PHYHD1: variants seen among roughly 807,000 people sequenced by gnomAD.
The protein encoded by PHYHD1 is phytanoyl-CoA dioxygenase domain containing 1, also known as phytanoyl-CoA dioxygenase domain-containing protein 1.
A neutral mutation model predicts 43.6 loss-of-function variants in PHYHD1; 42 were observed. That is an observed-to-expected ratio of 0.96 (90% CI 0.75 to 1.25). The LOEUF (loss-of-function observed/expected upper bound fraction) is 1.25, where lower values mean the gene tolerates loss of function less well. Ranked by LOEUF, PHYHD1 falls within the 50% of genes most tolerant of loss-of-function variation. PHYHD1 has a pLI of 0.00. For synonymous variants in PHYHD1, 139 were observed against 143.6 expected, an observed-to-expected ratio of 0.97 and a Z score of 0.23; for missense variants, 342 against 370.8, an observed-to-expected ratio of 0.92 and a Z score of 0.64.
intron 4 of PHYHD1, among the ~76,000 whole-genome samples, chr9:128,928,440 C>T (rs1354014479): frequency 2.0e-5 from 3 of 151,946 alleles, no homozygotes; most frequent in Admixed American, 1.3e-4. Flanking sequence ...CAGTGACTCA[C>T]GCCTGTAATC....
chr9:128,932,051 T>A (rs1841293860), intron 4 of PHYHD1, among the ~76,000 whole-genome samples: 2 of 150,418 alleles, frequency 1.3e-5, no homozygotes, highest in Non-Finnish European at 2.9e-5. Flanking sequence ...GTCAGGCTGG[T>A]CTCAAACTCC....
At position 128,940,722 on chromosome 9, in the gene PHYHD1, A is replaced by G. The variant is rs2045840205; in HGVS notation, c.703+7A>G. ...CCCACCCCAGTGCAGAGAGGTAGGC[A>G]GATGCAGAGGGCAGAGAGGCAGGGG... On this transcript the variant is annotated splice_region_variant and intron_variant, in intron 11 of 12. Coordinates refer to ENST00000372592, the MANE Select transcript of PHYHD1 (RefSeq NM_001100876.2). 1.2e-6 allele frequency: 2 copies of G among 1,612,442 alleles called. No individual in the cohort carries two copies. The highest frequency in any genetic ancestry group is 8.5e-7 in the Non-Finnish European group (1 of 1,179,672).
intron 3 of PHYHD1, among the ~76,000 whole-genome samples, chr9:128,922,736 A>G (rs55758160): frequency 0.42 from 64,233 of 152,164 alleles, 13,977 homozygotes; most frequent in African/African-American, 0.52. Flanking sequence ...GCTACCTCGT[A>G]GGAATTAGTG....
At chr9:128,941,298 C>G (rs1841552964) in intron 11 of PHYHD1, 147 bp from the exon 12 acceptor site, 10 of 1,042,218 alleles carry the variant, frequency 9.6e-6, no homozygotes, top group Non-Finnish European at 1.4e-5. Flanking sequence ...CTGAGGGAGG[C>G]TGCAGATGCC....
chr9:128,933,745 G>C (rs369186356), intron 4 of PHYHD1, 37 bp from the exon 5 acceptor site: 9 of 1,599,400 alleles, frequency 5.6e-6, no homozygotes, highest in Non-Finnish European at 7.7e-6. Flanking sequence ...CTGACCCCAG[G>C]ATGCTGTCTC....
intron 3 of PHYHD1, among the ~76,000 whole-genome samples, chr9:128,924,750 C>T (rs533386879): frequency 4.5e-4 from 68 of 151,710 alleles, no homozygotes; most frequent in African/African-American, 1.6e-3. Context: ...GCCTGGCCAA[C>T]ATAGTGAAAC....
chr9:128,940,365 T>A lies in PHYHD1; in HGVS notation c.458-4T>A. 1 of 1,614,084 alleles carries A rather than the reference T, an allele frequency of 6.2e-7. No individual in the cohort carries two copies. The highest frequency in any genetic ancestry group is 1.1e-5 in the South Asian group (1 of 91,082). The stretch of plus-strand genomic sequence containing the variant: ...AGCTCCTCACCCCCCGTGGGCCTGC[T>A]TAGTCTCCCCTCATCAGGACGCCTC... On this transcript the variant is annotated splice_polypyrimidine_tract_variant and splice_region_variant and intron_variant, in intron 9 of 12. Transcript: ENST00000372592.
At chr9:128,924,596 A>G (rs577853141) in intron 3 of PHYHD1, among the ~76,000 whole-genome samples, 1 of 148,694 alleles carries the variant, frequency 6.7e-6, no homozygotes, top group East Asian at 2.0e-4. Flanking sequence ...TGGGTGACAG[A>G]GAGAGACCCT....
chr9:128,925,940 C>T (rs1378838641), intron 3 of PHYHD1, among the ~76,000 whole-genome samples: 1 of 152,216 alleles, frequency 6.6e-6, no homozygotes, highest in Non-Finnish European at 1.5e-5. Flanking sequence ...CTTACGCTAG[C>T]TGCTTCTGCC....
chr9:128,934,598 G>C (rs991537878), intron 6 of PHYHD1, among the ~76,000 whole-genome samples: 1 of 151,782 alleles, frequency 6.6e-6, no homozygotes, highest in African/African-American at 2.4e-5. Flanking sequence ...GAGAAACCCT[G>C]TCTCTACTAA....
Position 128,933,797 on chromosome 9 carries a change from T to G in PHYHD1, c.208T>G (p.Phe70Val). 2 of 1,614,204 alleles carry G rather than the reference T, an allele frequency of 1.2e-6. No homozygotes were observed. The highest frequency in any genetic ancestry group is 1.7e-6 in the Non-Finnish European group (2 of 1,180,016). Residue 70 changes from phenylalanine (F) to valine (V), a missense_variant, in exon 5 of 13, where the codon TTC (phenylalanine) becomes GTC (valine). Physicochemically the swap from Phe to Val is conservative, Grantham distance 50. Coordinates refer to ENST00000372592, the MANE Select transcript of PHYHD1 (RefSeq NM_001100876.2). ...QLRAQGSTDY[F>V]LSSGDKIRFF... ...CTTTCCACAGGGCAGCACAGACTAT[T>G]TCTTGAGCAGTGGTGACAAGATTCG...
rs746744227 is a variant in PHYHD1, at chr9:128,933,847, T to C, written c.258T>C (p.Phe86=). The change falls in exon 5 of 13, where the codon TTT becomes TTC. Residue 86 remains phenylalanine, a synonymous_variant. Coordinates refer to ENST00000372592, the MANE Select transcript of PHYHD1 (RefSeq NM_001100876.2). ...GATTCTTCTTTGAGAAAGGCGTTTT[T>C]GATGAGAAAGGTTTGGAGCTGGGGC... ...KIRFFFEKGV[F]DEKGNFLVPP... The C allele has an allele frequency of 6.2e-7, 1 of 1,614,040 alleles. No individual in the cohort carries two copies. The highest frequency in any genetic ancestry group is 1.7e-5 in the Admixed American group (1 of 60,006).
chr9:128,923,085 C>T (rs1286953457), intron 3 of PHYHD1, among the ~76,000 whole-genome samples: 1 of 152,078 alleles, frequency 6.6e-6, no homozygotes. Flanking sequence ...GCTGGGATTA[C>T]AGGCATGCGC....
At chr9:128,923,112 T>G (rs958645897) in intron 3 of PHYHD1, among the ~76,000 whole-genome samples, 10 of 152,076 alleles carry the variant, frequency 6.6e-5, no homozygotes, top group Admixed American at 6.6e-4. Context: ...ACCTGGCTAA[T>G]TTTGTATTTT....
At chr9:128,922,408 C>A (rs1014323461) in intron 3 of PHYHD1, 52 bp downstream of exon 3, 1 of 1,539,748 alleles carries the variant, frequency 6.5e-7, no homozygotes, top group Admixed American at 2.0e-5. Flanking sequence ...GGGTCCCTGC[C>A]GGACCTTCAG....
chr9:128,932,174 TATTATTATTA>T (rs1242565752), intron 4 of PHYHD1, among the ~76,000 whole-genome samples: 4 of 119,554 alleles, frequency 3.3e-5, no homozygotes, highest in African/African-American at 1.0e-4. Context: ...TTATTGTTAT[TATTATTATTA>T]TTTTTTTTTT....
At chr9:128,930,715 C>T (rs1296986042) in intron 4 of PHYHD1, among the ~76,000 whole-genome samples, 2 of 151,914 alleles carry the variant, frequency 1.3e-5, no homozygotes, top group Non-Finnish European at 2.9e-5. Context: ...TTTGGGAGGC[C>T]GAGGCGGGGG....
chr9:128,940,087 T>C (rs1841518476), intron 9 of PHYHD1, among the ~76,000 whole-genome samples: 1 of 152,104 alleles, frequency 6.6e-6, no homozygotes, highest in African/African-American at 2.4e-5. Flanking sequence ...AGCAGTTACA[T>C]TGTTGGGCCC....
chr9:128,932,171 TATTATTATTATTA>T (rs1348327138), intron 4 of PHYHD1, among the ~76,000 whole-genome samples: 4 of 118,390 alleles, frequency 3.4e-5, no homozygotes, highest in African/African-American at 1.0e-4. Flanking sequence ...TTATTATTGT[TATTATTATTATTA>T]TTTTTTTTTT....
Sources: allele counts gnomAD v4.1 joint callset (sites outside exome capture counted in the v4.1 genomes callset), GRCh38; gene constraint gnomAD v4.1.1; transcripts MANE v1.5; gene names NCBI Gene and HGNC (gene_info 2026-07-23, HGNC 2026-07-21).